Variants in TTC34 observed in about 807,000 individuals in gnomAD.
The protein encoded by TTC34 is tetratricopeptide repeat protein 34.
Under a neutral mutation model 40.7 loss-of-function variants are expected in TTC34, and 44 were observed. The observed-to-expected ratio is 1.08, with a 90% confidence interval of 0.85 to 1.39. The LOEUF (loss-of-function observed/expected upper bound fraction) is 1.39, where lower values mean the gene tolerates loss of function less well. Ranked by LOEUF, TTC34 falls within the 40% of genes most tolerant of loss-of-function variation. The probability of loss-of-function intolerance (pLI) is 0.00; values close to 1 mark genes in which losing one functional copy is unlikely to be tolerated. For synonymous variants in TTC34, 422 were observed against 398.6 expected (o/e 1.06, Z -0.70); for missense variants, 884 against 838.0 (o/e 1.05, Z -0.68).
Position 2,641,690 on chromosome 1 carries a change from AG to A in TTC34, c.2917del (p.Leu973SerfsTer16). On this transcript the variant is annotated frameshift_variant, in exon 9 of 9. Coordinates refer to ENST00000401095, the Ensembl canonical transcript of TTC34. LOFTEE classifies it low-confidence loss of function (END_TRUNC). ...GCAGAAGTCCTCTGCCCGCCTTGGG[AG>A]GTCACCATCCCCCAGCGCCTCCTGG... 1 of 1,535,448 alleles carries A rather than the reference AG, an allele frequency of 6.5e-7. No homozygotes were observed. Among genetic ancestry groups the A allele is most frequent in the East Asian group, 2.4e-5 (1 of 40,872 alleles).
At chr1:2,799,293 A>C (rs906215336) in intron 2 of TTC34, among the ~76,000 whole-genome samples, 1 of 152,250 alleles carries the variant, frequency 6.6e-6, no homozygotes, top group African/African-American at 2.4e-5. Flanking sequence ...CTGTAATCCC[A>C]GCACTTTGGG....
chr1:2,769,716 AG>A (rs1641991513), intron 6 of TTC34, among the ~76,000 whole-genome samples: 1 of 148,834 alleles, frequency 6.7e-6, no homozygotes, highest in African/African-American at 2.5e-5. Context: ...CCACACCCCC[AG>A]GTGAGCATCT....
intron 3 of TTC34, among the ~76,000 whole-genome samples, chr1:2,788,321 T>C (rs1361107441): frequency 1.3e-5 from 2 of 151,640 alleles, no homozygotes; most frequent in Non-Finnish European, 2.9e-5. Flanking sequence ...TTGTGTGTTG[T>C]ATGTGTGTTA....
chr1:2,790,687 C>T (rs1643653536), intron 2 of TTC34, among the ~76,000 whole-genome samples: 1 of 152,258 alleles, frequency 6.6e-6, no homozygotes, highest in South Asian at 2.1e-4. Flanking sequence ...CAACGCCTTT[C>T]CCTTGCCTGA....
intron 6 of TTC34, among the ~76,000 whole-genome samples, chr1:2,749,706 T>A (rs1295962976): frequency 4.6e-5 from 1 of 21,832 alleles, no homozygotes; most frequent in Middle Eastern, 0.038. Flanking sequence ...CATCTGACAG[T>A]CTGGAACAGC....
intron 6 of TTC34, among the ~76,000 whole-genome samples, chr1:2,754,827 G>C (rs1447083097): frequency 3.3e-4 from 50 of 150,572 alleles, no homozygotes; most frequent in African/African-American, 1.2e-3. Context: ...ACCCCCAGGT[G>C]AGCATCTGAC....
intron 6 of TTC34, among the ~76,000 whole-genome samples, chr1:2,782,697 C>G (rs746053746): frequency 6.6e-6 from 1 of 152,198 alleles, no homozygotes; most frequent in Non-Finnish European, 1.5e-5. Context: ...TTTCACTTGT[C>G]TCTAAGCATT....
chr1:2,657,431 G>A (rs1185004439), intron 6 of TTC34, among the ~76,000 whole-genome samples: 2 of 87,898 alleles, frequency 2.3e-5, no homozygotes, highest in East Asian at 2.6e-4. Flanking sequence ...CCCCAGGCGA[G>A]CATCTGAACT....
intron 2 of TTC34, among the ~76,000 whole-genome samples, chr1:2,797,929 G>T (rs1643726159): frequency 1.3e-5 from 2 of 151,944 alleles, no homozygotes; most frequent in Admixed American, 1.3e-4. Flanking sequence ...TCTCAGACAT[G>T]TGGTTTCTCT....
intron 2 of TTC34, among the ~76,000 whole-genome samples, chr1:2,794,846 A>T (rs1643697546): frequency 6.6e-6 from 1 of 152,232 alleles, no homozygotes; most frequent in African/African-American, 2.4e-5. Flanking sequence ...TACTGCAATG[A>T]TAATATGTTC....
chr1:2,778,945 C>A (rs1455304030), intron 6 of TTC34, among the ~76,000 whole-genome samples: 2 of 152,130 alleles, frequency 1.3e-5, no homozygotes, highest in Admixed American at 6.5e-5. Flanking sequence ...CAACCCCAGG[C>A]ACCCACCATT....
At chr1:2,792,178 T>C (rs928672597) in intron 2 of TTC34, among the ~76,000 whole-genome samples, 2 of 151,772 alleles carry the variant, frequency 1.3e-5, no homozygotes, top group African/African-American at 4.8e-5. Context: ...TTTGGATGTT[T>C]TTTGGAGTTG....
chr1:2,674,860 A>G (rs1570786788), intron 6 of TTC34, among the ~76,000 whole-genome samples: 1 of 107,034 alleles, frequency 9.3e-6, no homozygotes, highest in South Asian at 2.9e-4. Flanking sequence ...AGCATCGTAG[A>G]GTCTGGAGCA....
At chr1:2,666,163 C>G (rs1244368174) in intron 6 of TTC34, among the ~76,000 whole-genome samples, 81 of 100,728 alleles carry the variant, frequency 8.0e-4, no homozygotes, top group Admixed American at 1.1e-3. Context: ...TGGAACAGCA[C>G]CCACACCCAC....
intron 6 of TTC34, among the ~76,000 whole-genome samples, chr1:2,652,370 A>C (rs1639170682): frequency 2.0e-5 from 3 of 149,652 alleles, no homozygotes; most frequent in South Asian, 2.1e-4. Flanking sequence ...GCACACCCCC[A>C]GGTGAGCATC....
chr1:2,694,944 A>G (rs1640791360), intron 6 of TTC34, among the ~76,000 whole-genome samples: 1 of 132,256 alleles, frequency 7.6e-6, no homozygotes, highest in African/African-American at 2.9e-5. Flanking sequence ...CTTGAGCAGC[A>G]CCCACACCCC....
At chr1:2,638,684 C>G (rs1638837156) in exon 9 of TTC34, 1 of 152,314 alleles carries the variant, frequency 6.6e-6, no homozygotes, top group African/African-American at 2.4e-5. Flanking sequence ...ACACCCAGGC[C>G]TCAGGGACGA....
intron 6 of TTC34, among the ~76,000 whole-genome samples, chr1:2,757,722 G>C (rs1375972177): frequency 6.2e-5 from 9 of 146,226 alleles, no homozygotes; most frequent in African/African-American, 1.3e-4. Context: ...CCACAGGTGA[G>C]CATCTGACAG....
intron 6 of TTC34, among the ~76,000 whole-genome samples, chr1:2,687,652 G>A (rs1640426316): frequency 2.0e-5 from 3 of 152,014 alleles, no homozygotes; most frequent in African/African-American, 7.3e-5. Context: ...CACACCCCCA[G>A]GTGAGCATCT....
Sources: allele counts gnomAD v4.1 joint callset (sites outside exome capture counted in the v4.1 genomes callset), GRCh38; gene constraint gnomAD v4.1.1; transcripts MANE v1.5; gene names NCBI Gene and HGNC (gene_info 2026-07-23, HGNC 2026-07-21).